The following PDE4D variants were observed in gnomAD, a reference collection of about 807,000 sequenced individuals.
The protein encoded by PDE4D is 3',5'-cyclic-AMP phosphodiesterase 4D.
PDE4D carries 24 observed loss-of-function variants against 87.4 expected under a neutral mutation model. The observed-to-expected ratio is 0.27, with a 90% CI of 0.20 to 0.39. PDE4D has a LOEUF of 0.39. PDE4D is among the 10% of genes least tolerant of loss of function. The pLI is 1.00. For synonymous variants in PDE4D, 384 were observed against 383.2 expected (o/e 1.00, Z -0.02); for missense variants, 714 against 1,041.0 (o/e 0.69, Z 4.32).
intron 2 of PDE4D, among the ~76,000 whole-genome samples, chr5:60,144,490 C>A (rs576581750): frequency 6.6e-6 from 1 of 152,316 alleles, no homozygotes; most frequent in Admixed American, 6.5e-5. Context: ...ATTTAGAGTG[C>A]ACAGCAGTAA....
At chr5:59,795,675 T>G (rs112624245) in intron 1 of PDE4D, among the ~76,000 whole-genome samples, 5,666 of 152,122 alleles carry the variant, frequency 0.037, 174 homozygotes, top group South Asian at 0.067. Context: ...TCGGCTGGGG[T>G]CCTTAGCACG....
At chr5:60,481,902 T>C (rs1748759066) in intron 1 of PDE4D, among the ~76,000 whole-genome samples, 1 of 152,196 alleles carries the variant, frequency 6.6e-6, no homozygotes, top group Non-Finnish European at 1.5e-5. Flanking sequence ...AGATGGTAAA[T>C]ATTATAATTT....
At chr5:59,652,004 AC>A (rs1169117645) in intron 1 of PDE4D, among the ~76,000 whole-genome samples, 5 of 152,134 alleles carry the variant, frequency 3.3e-5, no homozygotes, top group Non-Finnish European at 1.5e-5. Flanking sequence ...TAACCCTCTC[AC>A]CCGAATTTAG....
intron 1 of PDE4D, among the ~76,000 whole-genome samples, chr5:59,876,933 G>A (rs1481365135): frequency 6.6e-6 from 1 of 152,148 alleles, no homozygotes; most frequent in East Asian, 1.9e-4. Context: ...CATAGTAATT[G>A]TCCTACACAT....
At chr5:59,825,513 T>C (rs942436933) in intron 1 of PDE4D, among the ~76,000 whole-genome samples, 2 of 152,162 alleles carry the variant, frequency 1.3e-5, no homozygotes, top group Non-Finnish European at 2.9e-5. Flanking sequence ...ACAGAGTCTC[T>C]GTGGTAAAGT....
At chr5:60,342,084 C>T (rs1401451464) in intron 1 of PDE4D, among the ~76,000 whole-genome samples, 1 of 152,184 alleles carries the variant, frequency 6.6e-6, no homozygotes, top group Non-Finnish European at 1.5e-5. Context: ...GAGAGTGACA[C>T]AGGACATGGT....
rs199776730 is a variant in PDE4D at position 59,167,023 on chromosome 5, C to T, written c.808+13572G>A. Among the ~76,000 whole-genome samples the T allele has an allele frequency of 1.2e-4, 18 of 152,162 alleles. No homozygotes were observed. In the East Asian group the frequency reaches 3.3e-3, roughly 28 times the overall value. On this transcript the variant is annotated intron_variant, in intron 5 of 14. Transcript: ENST00000340635. ...CAACATATTAAGCACTTTCCACATG[C>T]TTTTAAATAAGACCTGACATTTACT...
At chr5:60,468,130 C>CTTTTTTTTTTT (rs370784270) in intron 1 of PDE4D, among the ~76,000 whole-genome samples, 89 of 126,182 alleles carry the variant, frequency 7.1e-4, no homozygotes, top group East Asian at 1.7e-3. Context: ...AACTTTCTTT[C>CTTTTTTTTTTT]TTTTTTCTTT....
chr5:59,797,538 C>T (rs535388909), intron 1 of PDE4D, among the ~76,000 whole-genome samples: 21 of 152,274 alleles, frequency 1.4e-4, no homozygotes, highest in Middle Eastern at 3.4e-3. Context: ...TTACCCTGTC[C>T]GTTCTTGAGG....
chr5:60,097,586 G>C (rs555096224), intron 2 of PDE4D, among the ~76,000 whole-genome samples: 1 of 152,106 alleles, frequency 6.6e-6, no homozygotes, highest in African/African-American at 2.4e-5. Context: ...TATCTGAGGT[G>C]ACATAGTAAA....
chr5:60,177,436 T>G (rs1270786928), intron 2 of PDE4D, among the ~76,000 whole-genome samples: 14 of 152,106 alleles, frequency 9.2e-5, no homozygotes, highest in Admixed American at 9.2e-4. Context: ...AGCAAAAAAT[T>G]TAAATAATTA....
At chr5:59,442,674 T>A (rs912400410) in intron 1 of PDE4D, among the ~76,000 whole-genome samples, 1 of 152,194 alleles carries the variant, frequency 6.6e-6, no homozygotes, top group Non-Finnish European at 1.5e-5. Context: ...TAAAAGTATG[T>A]GATTTTAAAG....
intron 1 of PDE4D, among the ~76,000 whole-genome samples, chr5:59,506,224 T>A (rs1048979933): frequency 6.6e-6 from 1 of 152,188 alleles, no homozygotes; most frequent in Non-Finnish European, 1.5e-5. Flanking sequence ...TACTAACTTT[T>A]CAAGACTTCA....
intron 5 of PDE4D, among the ~76,000 whole-genome samples, chr5:59,069,986 T>A (rs997317330): frequency 4.6e-5 from 7 of 152,116 alleles, no homozygotes; most frequent in African/African-American, 1.4e-4. Flanking sequence ...AGAAGGTAGA[T>A]CACTGTAAGA....
chr5:59,979,327 A>G (rs1442873575), intron 3 of PDE4D, among the ~76,000 whole-genome samples: 1 of 149,278 alleles, frequency 6.7e-6, no homozygotes, highest in Non-Finnish European at 1.5e-5. Context: ...TAAACTTTAT[A>G]TTCTAAATAT....
At chr5:60,403,056 G>T (rs547489019) in intron 1 of PDE4D, among the ~76,000 whole-genome samples, 2 of 152,246 alleles carry the variant, frequency 1.3e-5, no homozygotes, top group South Asian at 4.2e-4. Context: ...TTAATTAATA[G>T]GAAATCTGAG....
intron 5 of PDE4D, among the ~76,000 whole-genome samples, chr5:59,074,958 T>C (rs954988140): frequency 1.3e-5 from 2 of 152,044 alleles, no homozygotes; most frequent in African/African-American, 4.8e-5. Context: ...ATTATTTTAC[T>C]AAGAGTAAGT....
intron 1 of PDE4D, among the ~76,000 whole-genome samples, chr5:60,214,388 G>A (rs1041624314): frequency 5.3e-5 from 8 of 152,110 alleles, no homozygotes; most frequent in Admixed American, 1.3e-4. Context: ...ATACTTTCTA[G>A]TTTGTGTGTT....
intron 2 of PDE4D, among the ~76,000 whole-genome samples, chr5:60,114,144 G>C (rs1344043135): frequency 6.6e-6 from 1 of 152,124 alleles, no homozygotes; most frequent in Non-Finnish European, 1.5e-5. Flanking sequence ...CATTTTCATA[G>C]TAACTAGTAG....
Sources: allele counts gnomAD v4.1 joint callset (sites outside exome capture counted in the v4.1 genomes callset), GRCh38; gene constraint gnomAD v4.1.1; transcripts MANE v1.5; gene names NCBI Gene and HGNC (gene_info 2026-07-23, HGNC 2026-07-21).